CSMD1: variants seen among roughly 807,000 people sequenced by gnomAD.
CSMD1 encodes the protein CUB and sushi domain-containing protein 1.
In CSMD1, 213 loss-of-function variants were observed where a neutral mutation model predicts 417.5. The ratio of observed to expected loss-of-function variants is 0.51; its 90% confidence interval spans 0.46 to 0.57. The LOEUF is 0.57. CSMD1 is among the 20% of genes least tolerant of loss of function. The pLI is 0.00. For synonymous variants in CSMD1, 2,862 were observed against 1,736.8 expected, an observed-to-expected ratio of 1.65 and a Z score of -16.11; for missense variants, 6,923 against 4,529.7, an observed-to-expected ratio of 1.53 and a Z score of -15.17.
At chr8:4,256,082 C>T (rs375477917) in intron 3 of CSMD1, among the ~76,000 whole-genome samples, 114 of 152,284 alleles carry the variant, frequency 7.5e-4, no homozygotes, top group African/African-American at 2.1e-3. Context: ...TGTAGGCAAA[C>T]GTAGGTGAAT....
rs767956644 is a variant in CSMD1 at position 4,420,034 on chromosome 8, C to A, written c.334G>T (p.Val112Leu). ...LSGFQLPSSIVSTGSILTLWF... is the reference protein window; with the variant it reads ...LSGFQLPSSILSTGSILTLWF... ...AGAGTGAGGATAGATCCTGTACTCA[C>A]TATAGAGGAGGGCAGCTGAAATCCC... The change falls in exon 3 of 70, where the codon GTG (valine) becomes TTG (leucine). Residue 112 changes from valine (V) to leucine (L), a missense_variant. By Grantham distance (32) the Val-to-Leu change is conservative. Coordinates refer to ENST00000635120, the MANE Select transcript of CSMD1 (RefSeq NM_033225.6). 1 of 1,578,168 alleles carries A rather than the reference C, an allele frequency of 6.3e-7. No homozygotes were observed.
intron 3 of CSMD1, among the ~76,000 whole-genome samples, chr8:4,106,187 C>G (rs1212025658): frequency 6.6e-6 from 1 of 152,104 alleles, no homozygotes; most frequent in Non-Finnish European, 1.5e-5. Context: ...CTGATGGACA[C>G]CCGGAGATCT....
rs542553488 is a variant in CSMD1, at chr8:4,499,944, G to A, written c.303-79879C>T. ...ATGTGAGAATAAATTATCTAGGGTAGTATGCATGGAAAGAAAAAAAGCAGA... is the reference window on the plus strand; with the variant it reads ...ATGTGAGAATAAATTATCTAGGGTAATATGCATGGAAAGAAAAAAAGCAGA... On this transcript the variant is annotated intron_variant, in intron 2 of 69. Coordinates refer to ENST00000635120, the MANE Select transcript of CSMD1 (RefSeq NM_033225.6). Among the ~76,000 whole-genome samples, 301 of 152,262 alleles carry A rather than the reference G, an allele frequency of 2.0e-3. 1 individual carries two copies. Among genetic ancestry groups the A allele is most frequent in the African/African-American group, 5.9e-3 (245 of 41,562 alleles).
At chr8:4,570,832 T>C (rs1446116536) in intron 2 of CSMD1, among the ~76,000 whole-genome samples, 2 of 152,188 alleles carry the variant, frequency 1.3e-5, no homozygotes, top group Non-Finnish European at 2.9e-5. Context: ...TTGTTATTGG[T>C]CTATTTCGGG....
chr8:4,837,077 G>T (rs7001803), intron 1 of CSMD1, among the ~76,000 whole-genome samples: 7 of 151,916 alleles, frequency 4.6e-5, no homozygotes, highest in Non-Finnish European at 1.0e-4. Flanking sequence ...GGGACAGAAA[G>T]AAGTGGTAAT....
chr8:3,460,086 G>C (rs987893478), intron 12 of CSMD1, among the ~76,000 whole-genome samples: 1 of 152,128 alleles, frequency 6.6e-6, no homozygotes, highest in African/African-American at 2.4e-5. Context: ...CTGTCTCCTG[G>C]GAAGAAAGGC....
chr8:3,108,827 T>C, intron 43 of CSMD1, 79 bp from the exon 44 acceptor site: 1 of 1,366,760 alleles, frequency 7.3e-7, no homozygotes, highest in Non-Finnish European at 9.9e-7. Context: ...GCTAATGAAT[T>C]AATTTTTTTA....
intron 3 of CSMD1, among the ~76,000 whole-genome samples, chr8:4,402,639 C>T (rs1012860209): frequency 3.9e-5 from 6 of 152,082 alleles, no homozygotes; most frequent in African/African-American, 1.2e-4. Flanking sequence ...CAAGACCTAT[C>T]CCTCATCACA....
intron 30 of CSMD1, among the ~76,000 whole-genome samples, chr8:3,207,634 A>C (rs1797378520): frequency 6.6e-6 from 1 of 152,158 alleles, no homozygotes; most frequent in Admixed American, 6.5e-5. Flanking sequence ...AAATTTCCTG[A>C]ATCCCTGCAT....
At chr8:2,992,352 G>A (rs557788270) in intron 54 of CSMD1, among the ~76,000 whole-genome samples, 21 of 152,242 alleles carry the variant, frequency 1.4e-4, no homozygotes, top group Non-Finnish European at 2.9e-4. Flanking sequence ...GCACAACATG[G>A]TCATGGCGAA....
intron 11 of CSMD1, among the ~76,000 whole-genome samples, chr8:3,479,737 A>C (rs1040770646): frequency 2.0e-5 from 3 of 152,234 alleles, no homozygotes; most frequent in African/African-American, 7.2e-5. Context: ...AGAGCCAAGG[A>C]AATCACGGCT....
At chr8:3,405,964 T>C in intron 15 of CSMD1, 63 bp downstream of exon 15, 2 of 1,498,956 alleles carry the variant, frequency 1.3e-6, no homozygotes, top group Non-Finnish European at 1.8e-6. Context: ...TTGGTTTGTG[T>C]GTGTGCCTGA....
chr8:4,182,525 T>C (rs1178230695), intron 3 of CSMD1, among the ~76,000 whole-genome samples: 1 of 152,130 alleles, frequency 6.6e-6, no homozygotes, highest in Non-Finnish European at 1.5e-5. Context: ...GGGCTATATA[T>C]GCTCAATCGA....
chr8:3,896,225 G>C (rs1401850948), intron 5 of CSMD1, among the ~76,000 whole-genome samples: 1 of 152,084 alleles, frequency 6.6e-6, no homozygotes, highest in Non-Finnish European at 1.5e-5. Context: ...CTATAGCCTG[G>C]TTGCTGTCAC....
chr8:3,540,034 G>A (rs1384339150), intron 10 of CSMD1, among the ~76,000 whole-genome samples: 1 of 152,100 alleles, frequency 6.6e-6, no homozygotes, highest in Non-Finnish European at 1.5e-5. Flanking sequence ...TGTTGTGTCT[G>A]CTGCTGTGTG....
Position 4,676,931 on chromosome 8 carries a change from T to C in CSMD1, c.86-39373A>G, listed in dbSNP as rs1008316650. 2.7e-5 allele frequency among the ~76,000 whole-genome samples: 4 copies of C among 147,968 alleles called. 1 individual carries two copies. Among genetic ancestry groups the C allele is most frequent in the Non-Finnish European group, 4.5e-5 (3 of 67,196 alleles). On this transcript the variant is annotated intron_variant, in intron 1 of 69. Transcript: ENST00000635120. The stretch of plus-strand genomic sequence containing the variant: ...GGAATTTTATATACATAGAGAGAGA[T>C]GATATATATAGAGAAATTATATATA...
At chr8:4,087,563 C>A (rs1358252902) in intron 3 of CSMD1, among the ~76,000 whole-genome samples, 1 of 152,044 alleles carries the variant, frequency 6.6e-6, no homozygotes, top group South Asian at 2.1e-4. Context: ...AATTTCTGTC[C>A]TTATACACTT....
rs534532086 is a variant in CSMD1, at chr8:3,990,654, T to C, written c.818+7249A>G. Reference sequence around the variant, plus strand: ...TATTTACTTAACCCGAATTAAAGGATTGCTCTAGAATGCTATTTCTAGAAT... The same window carrying C: ...TATTTACTTAACCCGAATTAAAGGACTGCTCTAGAATGCTATTTCTAGAAT... On this transcript the variant is annotated intron_variant, in intron 5 of 69. Transcript: ENST00000635120. 2.0e-5 allele frequency among the ~76,000 whole-genome samples: 3 copies of C among 152,322 alleles called. No homozygotes were observed. The South Asian group carries it at 6.2e-4, about 32-fold the overall frequency.
At chr8:4,270,598 G>A (rs972367266) in intron 3 of CSMD1, among the ~76,000 whole-genome samples, 1 of 152,134 alleles carries the variant, frequency 6.6e-6, no homozygotes, top group Non-Finnish European at 1.5e-5. Flanking sequence ...CCGACTTCCT[G>A]TTCAACCTGA....
Sources: allele counts gnomAD v4.1 joint callset (sites outside exome capture counted in the v4.1 genomes callset), GRCh38; gene constraint gnomAD v4.1.1; transcripts MANE v1.5; gene names NCBI Gene and HGNC (gene_info 2026-07-23, HGNC 2026-07-21).